RERE: variants seen among roughly 807,000 people sequenced by gnomAD.
RERE encodes the protein arginine-glutamic acid dipeptide repeats, also known as arginine-glutamic acid dipeptide repeats protein.
RERE carries 40 observed loss-of-function variants against 146.1 expected under a neutral mutation model. That is an observed-to-expected ratio of 0.27 (90% CI 0.21 to 0.36). The LOEUF is 0.36. RERE is among the 10% of genes least tolerant of loss of function. The pLI, the probability that RERE is intolerant of heterozygous loss-of-function variation, is 1.00. For missense variants in RERE, 1,933 were observed against 2,138.7 expected, an observed-to-expected ratio of 0.90 and a Z score of 1.90; for synonymous variants, 1,003 against 866.0, an observed-to-expected ratio of 1.16 and a Z score of -2.78.
At chr1:8,790,975 C>A (rs1342194636) in intron 1 of RERE, among the ~76,000 whole-genome samples, 1 of 152,206 alleles carries the variant, frequency 6.6e-6, no homozygotes, top group Non-Finnish European at 1.5e-5. Context: ...TTGGCAAGAA[C>A]TCCTTTTCCA....
chr1:8,600,957 T>C (rs1046483142), intron 4 of RERE, among the ~76,000 whole-genome samples: 2 of 149,030 alleles, frequency 1.3e-5, no homozygotes, highest in African/African-American at 2.5e-5. Flanking sequence ...GGTTTCACCG[T>C]GTTAGCCAAG....
chr1:8,581,480 T>C (rs1391985480), intron 4 of RERE, among the ~76,000 whole-genome samples: 1 of 152,228 alleles, frequency 6.6e-6, no homozygotes, highest in Non-Finnish European at 1.5e-5. Context: ...ATTTTTTTCA[T>C]TTGTGGTTAG....
At chr1:8,649,558 T>C (rs1449746281) in intron 2 of RERE, among the ~76,000 whole-genome samples, 1 of 151,852 alleles carries the variant, frequency 6.6e-6, no homozygotes, top group Non-Finnish European at 1.5e-5. Context: ...GGTGAAACCC[T>C]GACTCTACTA....
chr1:8,390,847 G>A (rs949795559), intron 12 of RERE, among the ~76,000 whole-genome samples: 1 of 152,082 alleles, frequency 6.6e-6, no homozygotes, highest in African/African-American at 2.4e-5. Context: ...GTGCCAGCGG[G>A]GGGTCCTCCC....
chr1:8,813,895 G>A (rs1168301403), intron 1 of RERE, among the ~76,000 whole-genome samples: 3 of 152,188 alleles, frequency 2.0e-5, no homozygotes, highest in Admixed American at 6.5e-5. Flanking sequence ...GATTACAGGC[G>A]TGAGCCACCG....
intron 7 of RERE, among the ~76,000 whole-genome samples, chr1:8,538,957 A>G (rs1557678255): frequency 6.6e-6 from 1 of 152,256 alleles, no homozygotes; most frequent in Non-Finnish European, 1.5e-5. Context: ...AACTTGAGTG[A>G]GTGCCTGGTT....
intron 12 of RERE, among the ~76,000 whole-genome samples, chr1:8,417,854 C>T (rs1362972522): frequency 6.6e-6 from 1 of 152,194 alleles, no homozygotes; most frequent in African/African-American, 2.4e-5. Context: ...TTGCTGGGCA[C>T]GTTTTACAAT....
intron 1 of RERE, among the ~76,000 whole-genome samples, chr1:8,794,731 TACAAA>T (rs975217160): frequency 2.6e-5 from 4 of 151,846 alleles, no homozygotes; most frequent in East Asian, 1.9e-4. Context: ...ACCCCATCTT[TACAAA>T]ACAAAACAAA....
chr1:8,470,748 G>A (rs1395364357), intron 10 of RERE, among the ~76,000 whole-genome samples: 1 of 146,880 alleles, frequency 6.8e-6, no homozygotes, highest in African/African-American at 2.5e-5. Context: ...TAATGTTATA[G>A]ACATTGACTT....
intron 4 of RERE, among the ~76,000 whole-genome samples, chr1:8,585,990 C>G (rs1433218057): frequency 6.6e-6 from 1 of 152,182 alleles, no homozygotes; most frequent in Non-Finnish European, 1.5e-5. Context: ...CACCTGTAAT[C>G]TTGCCCAAAT....
Position 8,423,553 on chromosome 1 carries a change from G to C in RERE, c.1204-746C>G. ...CGGTGGGGGCAGCTCCTGGCTCCGAGCCCCCACCTCGGGGCTCCCAGCCTG... is the reference window on the plus strand; with the variant it reads ...CGGTGGGGGCAGCTCCTGGCTCCGACCCCCCACCTCGGGGCTCCCAGCCTG... On this transcript the variant is annotated intron_variant, in intron 11 of 22. Transcript: ENST00000400908. This position sits in a 1 kb window ranked among gnomAD's most constrained non-coding sequence, Gnocchi z 5.4. The C allele has an allele frequency of 1.0e-6, 1 of 985,114 alleles. No individual in the cohort carries two copies. Among genetic ancestry groups the C allele is most frequent in the Non-Finnish European group, 1.2e-6 (1 of 829,772 alleles). The allele number at this position is 985,114 out of a possible 1,614,324, so 61.0% of individuals were successfully genotyped here. A position where few individuals can be genotyped will look rare whatever the true frequency, so the allele number is the denominator to read the frequency against.
At chr1:8,784,510 T>C (rs1260248502) in intron 1 of RERE, among the ~76,000 whole-genome samples, 1 of 151,880 alleles carries the variant, frequency 6.6e-6, no homozygotes, top group African/African-American at 2.4e-5. Flanking sequence ...ATCTATAAAC[T>C]ATGCCTGGCA....
chr1:8,773,803 G>A lies in RERE; in HGVS notation c.-145+43357C>T, dbSNP rs538922923. ...CGCGCCACTGCACTCCAGCCTGGGC[G>A]ACAGAGCGAGACTCCATCTCAGAAA... is the stretch of plus-strand genomic sequence containing the variant. On this transcript the variant is annotated intron_variant, in intron 1 of 22. Transcript: ENST00000400908. 9.9e-5 allele frequency among the ~76,000 whole-genome samples: 15 copies of A among 152,188 alleles called. No individual in the cohort carries two copies. The South Asian group carries it at 1.0e-3, about 11-fold the overall frequency.
At chr1:8,541,993 C>T (rs926956892) in intron 6 of RERE, among the ~76,000 whole-genome samples, 5 of 152,094 alleles carry the variant, frequency 3.3e-5, no homozygotes, top group African/African-American at 1.2e-4. Context: ...GTTCATTTAC[C>T]ACCTAAAGTT....
chr1:8,706,113 C>CAAAAA (rs61016240), intron 1 of RERE, among the ~76,000 whole-genome samples: 12 of 69,192 alleles, frequency 1.7e-4, no homozygotes, highest in African/African-American at 4.2e-4. Flanking sequence ...ACTCCGTCTC[C>CAAAAA]AAAAAAAAAA....
chr1:8,504,316 A>T (rs943040058), intron 8 of RERE, among the ~76,000 whole-genome samples: 1 of 152,238 alleles, frequency 6.6e-6, no homozygotes, highest in Non-Finnish European at 1.5e-5. Flanking sequence ...AGTGAAAAGG[A>T]CAAAAACCAC....
chr1:8,595,358 A>G (rs930155499), intron 4 of RERE, among the ~76,000 whole-genome samples: 1 of 152,070 alleles, frequency 6.6e-6, no homozygotes, highest in Non-Finnish European at 1.5e-5. Flanking sequence ...TTATCATTAA[A>G]TACCAATAAA....
chr1:8,594,811 G>C (rs1009121726), intron 4 of RERE, among the ~76,000 whole-genome samples: 3 of 152,180 alleles, frequency 2.0e-5, no homozygotes, highest in Non-Finnish European at 2.9e-5. Flanking sequence ...GGTTGGCAGA[G>C]AGCCATCCCC....
intron 12 of RERE, among the ~76,000 whole-genome samples, chr1:8,408,848 C>T (rs1643531889): frequency 6.6e-6 from 1 of 152,056 alleles, no homozygotes; most frequent in Non-Finnish European, 1.5e-5. Context: ...GGGCTTGGGG[C>T]AGGAGGTGGT....
Sources: gnomAD v4.1 joint callset for allele counts (sites outside exome capture counted in the v4.1 genomes callset) on GRCh38, gnomAD v4.1.1 for gene constraint, Gnocchi (gnomAD v3.1) non-coding constraint, MANE v1.5 for transcripts, NCBI Gene and HGNC (gene_info 2026-07-23, HGNC 2026-07-21) for gene names.